LIMS1: variants seen among roughly 807,000 people sequenced by gnomAD.
The protein encoded by LIMS1 is LIM zinc finger domain containing 1.
Under a neutral mutation model 44.1 loss-of-function variants are expected in LIMS1, and 18 were observed. The observed-to-expected ratio is 0.41, with a 90% CI of 0.28 to 0.61. The LOEUF (loss-of-function observed/expected upper bound fraction) is 0.61, where lower values mean the gene tolerates loss of function less well. Ranked by LOEUF, LIMS1 falls within the 20% of genes least tolerant of loss-of-function variation. LIMS1 has a pLI of 0.32. For missense variants in LIMS1, 201 were observed against 422.0 expected (o/e 0.48, Z 4.59); for synonymous variants, 93 against 149.1 (o/e 0.62, Z 2.74).
intron 2 of LIMS1, among the ~76,000 whole-genome samples, chr2:108,661,391 T>A (rs1325954508): frequency 6.6e-6 from 1 of 152,038 alleles, no homozygotes; most frequent in African/African-American, 2.4e-5. Context: ...CTATGTATCT[T>A]CTTACAGTTC....
chr2:108,669,730 A>C (rs1202405981), intron 2 of LIMS1, among the ~76,000 whole-genome samples: 3 of 152,102 alleles, frequency 2.0e-5, no homozygotes, highest in Non-Finnish European at 2.9e-5. Flanking sequence ...ATTAAAAAAA[A>C]AAAAGGAACA....
intron 1 of LIMS1, among the ~76,000 whole-genome samples, chr2:108,557,232 C>A (rs574445619): frequency 6.6e-6 from 1 of 152,032 alleles, no homozygotes; most frequent in Non-Finnish European, 1.5e-5. Context: ...CGCACACTAC[C>A]GTGCCTGGCT....
At chr2:108,611,888 AT>A (rs1687635804) in intron 1 of LIMS1, among the ~76,000 whole-genome samples, 1 of 145,666 alleles carries the variant, frequency 6.9e-6, no homozygotes, top group Non-Finnish European at 1.5e-5. Flanking sequence ...TATAAAATAT[AT>A]ACACACATAT....
intron 1 of LIMS1, among the ~76,000 whole-genome samples, chr2:108,642,424 ATCTCGGCTCAC>A (rs1314827353): frequency 2.3e-5 from 3 of 129,894 alleles, no homozygotes; most frequent in African/African-American, 8.9e-5. Flanking sequence ...CAGTGGCGCG[ATCTCGGCTCAC>A]TGCAAGCTCC....
At chr2:108,599,002 C>T (rs1169273672) in intron 1 of LIMS1, among the ~76,000 whole-genome samples, 1 of 151,956 alleles carries the variant, frequency 6.6e-6, no homozygotes, top group African/African-American at 2.4e-5. Flanking sequence ...GATATTTATC[C>T]CCTCAAGCAT....
Position 108,683,776 on chromosome 2 carries a change from TCAC to T in LIMS1, c.900-107_900-105del, listed in dbSNP as rs1001874706. 1.0e-5 allele frequency: 5 copies of T among 490,582 alleles called. No individual in the cohort carries two copies. In the Admixed American group the frequency reaches 1.5e-4, roughly 15 times the overall value. 30.4% of individuals were successfully genotyped at this position (490,582 alleles called of 1,614,324 possible). ...TTTTACTAACATGAATATAATATCA[TCAC>T]CTAGTTGCCTTCGTTTAGTTCAGTA... On this transcript the variant is annotated intron_variant, in intron 9 of 9. Transcript: ENST00000544547.
At chr2:108,537,113 A>C (rs1247363208) in intron 1 of LIMS1, among the ~76,000 whole-genome samples, 3 of 152,190 alleles carry the variant, frequency 2.0e-5, no homozygotes, top group African/African-American at 7.2e-5. Context: ...TTTAGTGCTA[A>C]GCGGCCAGCA....
intron 9 of LIMS1, among the ~76,000 whole-genome samples, chr2:108,682,643 A>C (rs1693083638): frequency 6.6e-6 from 1 of 152,250 alleles, no homozygotes; most frequent in African/African-American, 2.4e-5. Flanking sequence ...AAAAGCCGTA[A>C]AGTAATTCCC....
At chr2:108,607,346 A>G (rs2104740629) in intron 1 of LIMS1, 1 of 1,219,674 alleles carries the variant, frequency 8.2e-7, no homozygotes, top group Non-Finnish European at 1.2e-6. Flanking sequence ...TGGTATCTTC[A>G]TCACATAAAT....
chr2:108,573,126 G>GT lies in LIMS1; in HGVS notation c.32+38534dup, dbSNP rs532405276. ...AAAGGTCATATGAATGCAAGTCCCAGTTGTTTCTCTTTATATTCAGCAGAT... is the reference window on the plus strand; with the variant it reads ...AAAGGTCATATGAATGCAAGTCCCAGTTTGTTTCTCTTTATATTCAGCAGAT... On this transcript the variant is annotated intron_variant, in intron 1 of 9. Coordinates refer to ENST00000544547, the Ensembl canonical transcript of LIMS1. Among the ~76,000 whole-genome samples, 7 of 152,314 alleles carry GT rather than the reference G, an allele frequency of 4.6e-5. No individual in the cohort carries two copies. The South Asian group carries it at 1.5e-3, about 32-fold the overall frequency.
intron 7 of LIMS1, chr2:108,677,063 CA>C (rs1248691987): frequency 1.9e-4 from 37 of 195,024 alleles, no homozygotes; most frequent in Non-Finnish European, 4.2e-5. Context: ...GACTCTCTAA[CA>C]TAATTGTAGT....
intron 9 of LIMS1, 38 bp downstream of exon 9, chr2:108,680,808 T>G: frequency 1.3e-6 from 2 of 1,590,130 alleles, no homozygotes; most frequent in South Asian, 1.2e-5. Flanking sequence ...ATCCTAAGAC[T>G]GAAAACTTTG....
chr2:108,539,906 T>C (rs1684262240), intron 1 of LIMS1, among the ~76,000 whole-genome samples: 1 of 152,196 alleles, frequency 6.6e-6, no homozygotes, highest in African/African-American at 2.4e-5. Flanking sequence ...CTTGCTGAGT[T>C]CTTACCTTCG....
intron 1 of LIMS1, among the ~76,000 whole-genome samples, chr2:108,658,982 G>GATATGTA: frequency 6.6e-6 from 1 of 152,264 alleles, no homozygotes; most frequent in East Asian, 1.9e-4. Flanking sequence ...TCTGTAAAAT[G>GATATGTA]ATCTTTATTA....
intron 1 of LIMS1, among the ~76,000 whole-genome samples, chr2:108,595,142 C>G (rs1347682331): frequency 2.0e-5 from 3 of 152,142 alleles, no homozygotes; most frequent in African/African-American, 7.2e-5. Context: ...TCACCACTGC[C>G]AGTCGTGACC....
intron 1 of LIMS1, among the ~76,000 whole-genome samples, chr2:108,593,927 G>T (rs537792382): frequency 6.6e-6 from 1 of 152,248 alleles, no homozygotes; most frequent in Admixed American, 6.5e-5. Flanking sequence ...TATCTGGTGA[G>T]ACCCTAGTGG....
chr2:108,652,826 C>G (rs1690590607), intron 1 of LIMS1, among the ~76,000 whole-genome samples: 2 of 152,174 alleles, frequency 1.3e-5, no homozygotes, highest in Non-Finnish European at 2.9e-5. Context: ...AATTTCTGGT[C>G]TGAGTCAGCC....
intron 1 of LIMS1, among the ~76,000 whole-genome samples, chr2:108,587,293 TGTGTGTGTGTGTG>T (rs1686153509): frequency 1.0e-3 from 94 of 90,200 alleles, no homozygotes; most frequent in Admixed American, 3.3e-3. Context: ...TTGGGGTTTG[TGTGTGTGTGTGTG>T]TGTGTGTGTG....
chr2:108,656,386 CT>C (rs1690849026), intron 1 of LIMS1, among the ~76,000 whole-genome samples: 1 of 151,946 alleles, frequency 6.6e-6, no homozygotes, highest in Non-Finnish European at 1.5e-5. Flanking sequence ...GTCATCAACA[CT>C]TTTTACTGAA....
Sources: allele counts gnomAD v4.1 joint callset (sites outside exome capture counted in the v4.1 genomes callset), GRCh38; gene constraint gnomAD v4.1.1; transcripts MANE v1.5; gene names NCBI Gene and HGNC (gene_info 2026-07-23, HGNC 2026-07-21).